Variants in ARFGEF1 observed in about 807,000 individuals in gnomAD.
The protein encoded by ARFGEF1 is ARF guanine nucleotide exchange factor 1.
ARFGEF1 carries 42 observed loss-of-function variants against 231.0 expected under a neutral mutation model. That is an observed-to-expected ratio of 0.18 (90% CI 0.14 to 0.24). ARFGEF1 has a LOEUF of 0.24. Ranked by LOEUF, ARFGEF1 falls within the 10% of genes least tolerant of loss-of-function variation. The pLI, the probability that ARFGEF1 is intolerant of heterozygous loss-of-function variation, is 1.00. For synonymous variants in ARFGEF1, 710 were observed against 732.3 expected, an observed-to-expected ratio of 0.97 and a Z score of 0.49; for missense variants, 1,345 against 2,192.0, an observed-to-expected ratio of 0.61 and a Z score of 7.72.
intron 5 of ARFGEF1, among the ~76,000 whole-genome samples, chr8:67,292,477 G>T (rs1806052090): frequency 6.6e-6 from 1 of 152,056 alleles, no homozygotes; most frequent in Non-Finnish European, 1.5e-5. Flanking sequence ...TACCTATAGA[G>T]GGTAGAGATT....
chr8:67,218,894 C>T (rs574580438), intron 30 of ARFGEF1, among the ~76,000 whole-genome samples: 2 of 151,790 alleles, frequency 1.3e-5, no homozygotes, highest in Non-Finnish European at 2.9e-5. Context: ...GGAAAAGAAA[C>T]GAAAAAGTCA....
intron 19 of ARFGEF1, among the ~76,000 whole-genome samples, chr8:67,250,500 T>G (rs1840247533): frequency 6.6e-6 from 1 of 152,198 alleles, no homozygotes; most frequent in South Asian, 2.1e-4. Flanking sequence ...CACATGGACC[T>G]TGAAGAAGAG....
At chr8:67,220,808 C>G (rs894363331) in intron 29 of ARFGEF1, among the ~76,000 whole-genome samples, 1 of 152,068 alleles carries the variant, frequency 6.6e-6, no homozygotes. Flanking sequence ...TGGATATGGG[C>G]AATCCTGTTT....
At position 67,314,272 on chromosome 8, in the gene ARFGEF1, CCT is replaced by C. The variant is rs1394668327; in HGVS notation, c.125-11808_125-11807del. Among the ~76,000 whole-genome samples, 8 of 152,276 alleles carry C rather than the reference CCT, an allele frequency of 5.3e-5. No individual in the cohort carries two copies. In the South Asian group the frequency reaches 1.5e-3, roughly 28 times the overall value. On this transcript the variant is annotated intron_variant, in intron 1 of 38. Transcript: ENST00000262215. ...AGCCGCAGATGGATTCAAGTCCTCC[CCT>C]GAGTTCTGACTAGGAGGCTTCTCAT...
At chr8:67,328,290 T>C (rs1252828154) in intron 1 of ARFGEF1, among the ~76,000 whole-genome samples, 1 of 152,226 alleles carries the variant, frequency 6.6e-6, no homozygotes, top group Non-Finnish European at 1.5e-5. Context: ...TGAACTATTC[T>C]TCTGGAAGCT....
intron 22 of ARFGEF1, among the ~76,000 whole-genome samples, chr8:67,233,188 G>A (rs548807717): frequency 6.6e-6 from 1 of 151,910 alleles, no homozygotes; most frequent in South Asian, 2.1e-4. Flanking sequence ...CACAAAGTAG[G>A]GGCACTGTGA....
At chr8:67,236,022 C>G (rs550915411) in intron 22 of ARFGEF1, among the ~76,000 whole-genome samples, 1 of 151,906 alleles carries the variant, frequency 6.6e-6, no homozygotes, top group African/African-American at 2.4e-5. Flanking sequence ...TGGGCGGGCG[C>G]AGTAGCTCAC....
At chr8:67,262,964 C>T in intron 14 of ARFGEF1, among the ~76,000 whole-genome samples, 1 of 152,092 alleles carries the variant, frequency 6.6e-6, no homozygotes, top group South Asian at 2.1e-4. Context: ...GAACTGAACC[C>T]ACAATATCCC....
intron 5 of ARFGEF1, among the ~76,000 whole-genome samples, chr8:67,185,899 C>G (rs749807780): frequency 6.6e-6 from 1 of 152,038 alleles, no homozygotes; most frequent in Admixed American, 6.5e-5. Context: ...AAGAATCCTT[C>G]AAAAAAACAG....
intron 35 of ARFGEF1, among the ~76,000 whole-genome samples, chr8:67,203,874 C>A (rs1838419599): frequency 1.3e-5 from 2 of 152,164 alleles, no homozygotes; most frequent in South Asian, 4.1e-4. Context: ...CAACCCATCC[C>A]CCAGCCCTCC....
chr8:67,318,485 G>T (rs1054173181), intron 1 of ARFGEF1, among the ~76,000 whole-genome samples: 2 of 151,816 alleles, frequency 1.3e-5, no homozygotes, highest in African/African-American at 4.8e-5. Flanking sequence ...AGTAAATAAA[G>T]GTATATAGGT....
intron 23 of ARFGEF1, among the ~76,000 whole-genome samples, chr8:67,229,929 G>C (rs893683193): frequency 6.6e-6 from 1 of 152,082 alleles, no homozygotes; most frequent in Admixed American, 6.6e-5. Flanking sequence ...GAACCACAGG[G>C]AAGGGAAGCA....
chr8:67,225,101 T>C (rs1441587506), intron 28 of ARFGEF1, 68 bp from the exon 29 acceptor site: 8 of 1,332,558 alleles, frequency 6.0e-6, no homozygotes, highest in Non-Finnish European at 7.0e-6. Flanking sequence ...TACTAACTTC[T>C]CAAAAAATAA....
chr8:67,312,622 G>A (rs766779265), intron 1 of ARFGEF1, among the ~76,000 whole-genome samples: 13 of 152,100 alleles, frequency 8.5e-5, no homozygotes, highest in Non-Finnish European at 1.6e-4. Flanking sequence ...TTGAAACACC[G>A]TGAAGAATGG....
chr8:67,185,544 C>CTG, intron 5 of ARFGEF1, among the ~76,000 whole-genome samples: 1 of 152,166 alleles, frequency 6.6e-6, no homozygotes, highest in South Asian at 2.1e-4. Flanking sequence ...CACCAGTGGT[C>CTG]TGTCGGTTGA....
intron 1 of ARFGEF1, among the ~76,000 whole-genome samples, chr8:67,318,161 C>T (rs993899432): frequency 6.8e-6 from 1 of 147,730 alleles, no homozygotes; most frequent in African/African-American, 2.5e-5. Flanking sequence ...GGCGTGAACC[C>T]GGGAGCCGCA....
At chr8:67,317,882 G>C (rs1431279056) in intron 1 of ARFGEF1, among the ~76,000 whole-genome samples, 1 of 140,522 alleles carries the variant, frequency 7.1e-6, no homozygotes, top group Non-Finnish European at 1.5e-5. Flanking sequence ...CTGGGTGACA[G>C]AGCAAGACTC....
At chr8:67,249,332 G>A (rs982190065) in intron 19 of ARFGEF1, among the ~76,000 whole-genome samples, 1 of 150,326 alleles carries the variant, frequency 6.7e-6, no homozygotes, top group African/African-American at 2.5e-5. Context: ...TGTAGGCTAA[G>A]GTAAGTATCC....
At chr8:67,306,067 T>G (rs1200040119) in intron 1 of ARFGEF1, among the ~76,000 whole-genome samples, 6 of 152,250 alleles carry the variant, frequency 3.9e-5, no homozygotes, top group Non-Finnish European at 7.3e-5. Context: ...TTTCTTAAGT[T>G]GAGAACTTTC....
Sources: allele counts gnomAD v4.1 joint callset (sites outside exome capture counted in the v4.1 genomes callset), GRCh38; gene constraint gnomAD v4.1.1; transcripts MANE v1.5; gene names NCBI Gene and HGNC (gene_info 2026-07-23, HGNC 2026-07-21).